The following PRKG1 variants were observed in gnomAD, a reference collection of about 807,000 sequenced individuals.
The protein encoded by PRKG1 is protein kinase cGMP-dependent 1, also known as cGMP-dependent protein kinase 1.
PRKG1 carries 35 observed loss-of-function variants against 88.1 expected under a neutral mutation model. That is an observed-to-expected ratio of 0.40 (90% confidence interval 0.30 to 0.53). The LOEUF (loss-of-function observed/expected upper bound fraction) is 0.53. Among genes scored for constraint, PRKG1 ranks in the 20% least tolerant of loss-of-function variants. The pLI is 0.59. For synonymous variants in PRKG1, 303 were observed against 292.5 expected (o/e 1.04, Z -0.37); for missense variants, 540 against 839.8 (o/e 0.64, Z 4.41).
At position 52,209,362 on chromosome 10, in the gene PRKG1, C is replaced by T. The variant is rs527596815; in HGVS notation, c.1077-42208C>T. 2.4e-3 allele frequency among the ~76,000 whole-genome samples: 366 copies of T among 152,240 alleles called. 2 individuals are homozygous for T. The highest frequency in any genetic ancestry group is 0.024 in the Middle Eastern group (7 of 294). ...TATTACACTTCTTTTTATATTATTT[C>T]CAACCATTTAAAAATGTCATAATCA... On this transcript the variant is annotated intron_variant, in intron 9 of 17. Transcript: ENST00000373980.
At chr10:52,050,209 C>G (rs766733680) in intron 5 of PRKG1, among the ~76,000 whole-genome samples, 2 of 151,956 alleles carry the variant, frequency 1.3e-5, no homozygotes, top group African/African-American at 4.8e-5. Context: ...AGGAACCAAT[C>G]TCAGAAGGCT....
intron 2 of PRKG1, among the ~76,000 whole-genome samples, chr10:51,254,954 C>T (rs987157687): frequency 7.9e-5 from 12 of 151,924 alleles, no homozygotes; most frequent in Admixed American, 4.6e-4. Flanking sequence ...CAAATAATAA[C>T]GTCGATTTTG....
intron 3 of PRKG1, among the ~76,000 whole-genome samples, chr10:51,583,132 C>T (rs1838085730): frequency 6.6e-6 from 1 of 152,006 alleles, no homozygotes; most frequent in Admixed American, 6.6e-5. Context: ...AAGAATATAG[C>T]ACAGTAGTAA....
chr10:51,228,852 G>C (rs985396669), intron 2 of PRKG1, among the ~76,000 whole-genome samples: 1 of 152,126 alleles, frequency 6.6e-6, no homozygotes, highest in Non-Finnish European at 1.5e-5. Context: ...AAAGCCCTAC[G>C]TGGCCTGGAT....
At chr10:52,054,308 T>A (rs1846057803) in intron 5 of PRKG1, among the ~76,000 whole-genome samples, 176 bp from the exon 6 acceptor site, 1 of 152,184 alleles carries the variant, frequency 6.6e-6, no homozygotes, top group Admixed American at 6.5e-5. Flanking sequence ...AGAGATGATA[T>A]CTTTGTCATT....
rs141551945 is a variant in PRKG1 at position 52,122,012 on chromosome 10, G to C, written c.936-11828G>C. ...AATTTCCTATTTTAAGCTATTTTGTGCAGCTATAACAGAATACCCGAAGTT... is the reference window on the plus strand; with the variant it reads ...AATTTCCTATTTTAAGCTATTTTGTCCAGCTATAACAGAATACCCGAAGTT... On this transcript the variant is annotated intron_variant, in intron 7 of 17. Coordinates refer to ENST00000373980, the MANE Select transcript of PRKG1 (RefSeq NM_006258.4). Among the ~76,000 whole-genome samples the C allele has an allele frequency of 2.0e-3, 300 of 152,256 alleles. 2 individuals are homozygous for C. Among genetic ancestry groups the C allele is most frequent in the African/African-American group, 7.0e-3 (289 of 41,542 alleles).
chr10:51,247,667 G>C (rs546364322), intron 2 of PRKG1, among the ~76,000 whole-genome samples: 1 of 152,048 alleles, frequency 6.6e-6, no homozygotes, highest in African/African-American at 2.4e-5. Context: ...GAAGGCACCT[G>C]CTAAATTTGT....
At chr10:51,938,047 A>C (rs1842832033) in intron 5 of PRKG1, among the ~76,000 whole-genome samples, 1 of 151,996 alleles carries the variant, frequency 6.6e-6, no homozygotes, top group Admixed American at 6.6e-5. Flanking sequence ...ATGATCTAAA[A>C]TCACCTGAAG....
At chr10:51,906,041 G>T (rs1398615882) in intron 4 of PRKG1, among the ~76,000 whole-genome samples, 1 of 152,134 alleles carries the variant, frequency 6.6e-6, no homozygotes, top group Non-Finnish European at 1.5e-5. Flanking sequence ...ACTTGACCTA[G>T]CTGGAGAGGG....
chr10:51,285,878 G>A lies in PRKG1; in HGVS notation c.478+132548G>A, dbSNP rs373368067. On this transcript the variant is annotated intron_variant, in intron 2 of 17. Coordinates refer to ENST00000373980, the MANE Select transcript of PRKG1 (RefSeq NM_006258.4). ...CACAGCAAATGAAGCAGGTGCAGCC[G>A]TAATTCTAGGAGGAACCTAAGGACC... 9.2e-5 allele frequency among the ~76,000 whole-genome samples: 14 copies of A among 152,326 alleles called. No homozygotes were observed. In the South Asian group the frequency reaches 1.2e-3, roughly 14 times the overall value.
At chr10:51,601,692 A>G (rs1838605304) in intron 3 of PRKG1, among the ~76,000 whole-genome samples, 1 of 99,430 alleles carries the variant, frequency 1.0e-5, no homozygotes, top group South Asian at 3.4e-4. Context: ...TTTTATCACC[A>G]TTATTTTAGA....
At chr10:52,034,267 G>A (rs879080689) in intron 5 of PRKG1, among the ~76,000 whole-genome samples, 7 of 148,828 alleles carry the variant, frequency 4.7e-5, no homozygotes, top group South Asian at 2.2e-4. Context: ...GTGTTGGGGC[G>A]GCAAAAATTT....
intron 3 of PRKG1, among the ~76,000 whole-genome samples, chr10:51,682,344 G>A (rs1031466930): frequency 2.6e-5 from 4 of 152,200 alleles, no homozygotes; most frequent in South Asian, 2.1e-4. Flanking sequence ...TCTTACAGTC[G>A]GCTCCAAAAC....
intron 5 of PRKG1, among the ~76,000 whole-genome samples, chr10:52,006,654 A>C (rs61847551): frequency 6.6e-6 from 1 of 152,280 alleles, no homozygotes; most frequent in Admixed American, 6.5e-5. Context: ...TCTATGATTC[A>C]CTGATGTCCC....
intron 1 of PRKG1, among the ~76,000 whole-genome samples, chr10:51,140,994 G>T (rs187667029): frequency 1.1e-4 from 17 of 152,138 alleles, no homozygotes; most frequent in African/African-American, 3.4e-4. Context: ...CTATATCTTG[G>T]GCTTAGTTTT....
rs572473224 is a variant in PRKG1, at chr10:51,628,409, C to T, written c.592+160573C>T. ...AATTCCTGGGGTCAAGAATTCCACC[C>T]GCCTCGCCCTCCCAAACTGCTGAGA... On this transcript the variant is annotated intron_variant, in intron 3 of 17. Transcript: ENST00000373980. Among the ~76,000 whole-genome samples, 189 of 151,614 alleles carry T rather than the reference C, an allele frequency of 1.2e-3. 1 individual carries two copies. The highest frequency in any genetic ancestry group is 4.0e-3 in the African/African-American group (167 of 41,422).
intron 5 of PRKG1, among the ~76,000 whole-genome samples, chr10:52,034,439 A>G (rs1236126241): frequency 6.7e-6 from 1 of 150,310 alleles, no homozygotes; most frequent in Non-Finnish European, 1.5e-5. Context: ...TTTGTCATAT[A>G]GAATGATTGG....
rs1358147875 is a variant in PRKG1, at chr10:51,550,180, T to C, written c.592+82344T>C. On this transcript the variant is annotated intron_variant, in intron 3 of 17. Coordinates refer to ENST00000373980, the MANE Select transcript of PRKG1 (RefSeq NM_006258.4). ...AAAATCCATTTGTTACCTTATTGAA[T>C]GTGAACATGTAAAACTATGACCTTT... Among the ~76,000 whole-genome samples the C allele has an allele frequency of 1.3e-5, 2 of 152,114 alleles. 1 individual carries two copies. The highest frequency in any genetic ancestry group is 2.9e-5 in the Non-Finnish European group (2 of 67,992).
chr10:51,617,407 A>G (rs1459999308), intron 3 of PRKG1, among the ~76,000 whole-genome samples: 1 of 152,070 alleles, frequency 6.6e-6, no homozygotes, highest in African/African-American at 2.4e-5. Flanking sequence ...TGGTAGCAGC[A>G]GGGTGGGTAG....
Sources: allele counts gnomAD v4.1 joint callset (sites outside exome capture counted in the v4.1 genomes callset), GRCh38; gene constraint gnomAD v4.1.1; transcripts MANE v1.5; gene names NCBI Gene and HGNC (gene_info 2026-07-23, HGNC 2026-07-21).